Variants in CCNL1 observed in about 807,000 individuals in gnomAD.
CCNL1 encodes cyclin-L1.
In CCNL1, 13 loss-of-function variants were observed where a neutral mutation model predicts 60.6. The observed-to-expected ratio is 0.21, with a 90% CI of 0.14 to 0.34. The LOEUF (loss-of-function observed/expected upper bound fraction) is 0.34, where lower values mean the gene tolerates loss of function less well. Among genes scored for constraint, CCNL1 ranks in the 10% least tolerant of loss-of-function variants. CCNL1 has a pLI of 1.00. For synonymous variants in CCNL1, 270 were observed against 244.3 expected (o/e 1.10, Z -0.98); for missense variants, 481 against 664.3 (o/e 0.72, Z 3.03).
chr3:157,159,083 C>G (rs1738849015), intron 2 of CCNL1, 108 bp from the exon 3 acceptor site: 1 of 732,194 alleles, frequency 1.4e-6, no homozygotes, highest in Admixed American at 2.5e-5. Context: ...GAGAAGACAT[C>G]TCTATGCCGT....
intron 8 of CCNL1, 96 bp downstream of exon 8, chr3:157,149,740 A>G (rs767220191): frequency 4.7e-5 from 70 of 1,503,878 alleles, no homozygotes; most frequent in Admixed American, 8.3e-5. Flanking sequence ...GTTTCCTAAC[A>G]TCATTTTTCT....
Position 157,148,569 on chromosome 3 carries a change from C to T in CCNL1, c.1253G>A (p.Arg418Gln), listed in dbSNP as rs771814832. ...TGATCTCGAGCTGTATGTTCCAGAT[C>T]GACTCCGCCTATTATTATAGCTTAG... ...PRRHYNNRRS[R>Q]SGTYSSRSRS... The change falls in exon 11 of 11, where the codon CGA (arginine) becomes CAA (glutamine). Residue 418 changes from arginine (R) to glutamine (Q), a missense_variant. Arg to Gln is a conservative substitution (Grantham distance 43, BLOSUM62 1). Around this residue, in one of 5 missense-constraint regions of CCNL1, gnomAD observed 197 missense variants for 233.9 expected, o/e 0.84. Coordinates refer to ENST00000295926, the MANE Select transcript of CCNL1 (RefSeq NM_020307.4). 18 of 1,610,308 alleles carry T rather than the reference C, an allele frequency of 1.1e-5. No individual in the cohort carries two copies. In the South Asian group the frequency reaches 1.4e-4, roughly 13 times the overall value.
At position 157,148,429 on chromosome 3, in the gene CCNL1, G is replaced by A. The variant is rs756077496; in HGVS notation, c.1393C>T (p.His465Tyr). 2 of 1,614,100 alleles carry A rather than the reference G, an allele frequency of 1.2e-6. No individual in the cohort carries two copies. The highest frequency in any genetic ancestry group is 4.5e-5 in the East Asian group (2 of 44,882). Residue 465 changes from histidine (H) to tyrosine (Y), a missense_variant, in exon 11 of 11, where the codon CAT becomes TAT. By Grantham distance (83) the His-to-Tyr change is moderately conservative (BLOSUM62 2). This residue lies in a region of CCNL1 where 197 missense variants were observed against 233.9 expected (regional missense o/e 0.84). Coordinates refer to ENST00000295926, the MANE Select transcript of CCNL1 (RefSeq NM_020307.4). ...CGAGAACGAGATTTTTTCCTTTTAT[G>A]ACCATGTCTGTTTGAACTTTTTAAA... ...DDLKSSNRHG[H>Y]KRKKSRSRSQ...
intron 8 of CCNL1, 98 bp from the exon 9 acceptor site, chr3:157,149,694 C>G (rs934571226): frequency 1.4e-6 from 2 of 1,462,554 alleles, no homozygotes; most frequent in African/African-American, 2.8e-5. Context: ...CTTCCGCTTC[C>G]ATGTTGGTTG....
chr3:157,151,775 GA>G, intron 5 of CCNL1: 1 of 1,037,094 alleles, frequency 9.6e-7, no homozygotes, highest in Non-Finnish European at 1.2e-6. Flanking sequence ...GACAGAACTA[GA>G]AGATGCTGCC....
At chr3:157,144,012 C>G (rs566488295), downstream of CCNL1, among the ~76,000 whole-genome samples, 1 of 152,238 alleles carries the variant, frequency 6.6e-6, no homozygotes, top group East Asian at 1.9e-4. Context: ...TCAGACTACA[C>G]CTACCAGAAA....
intron 2 of CCNL1, 126 bp downstream of exon 2, chr3:157,159,279 T>C (rs987967049): frequency 3.7e-6 from 3 of 807,398 alleles, no homozygotes; most frequent in Non-Finnish European, 4.0e-6. Context: ...TCCTGGCGAG[T>C]GAGAAGTAGG....
rs201815374 is a variant in CCNL1, at chr3:157,159,997, G to A, written c.98C>T (p.Thr33Met). ...GGSSSGTTTT[T>M]TTTTGGILIG... ...CAGGATCCCTCCCGTCGTGGTCGTCGTCGTGGTCGTCGTCCCGGAGCTGGA... is the reference window on the plus strand; with the variant it reads ...CAGGATCCCTCCCGTCGTGGTCGTCATCGTGGTCGTCGTCCCGGAGCTGGA... The change falls in exon 1 of 11, where the codon ACG (threonine) becomes ATG (methionine). Residue 33 changes from threonine (T) to methionine (M), a missense_variant. Physicochemically the swap from Thr to Met is moderately conservative, Grantham distance 81. Around this residue, in one of 5 missense-constraint regions of CCNL1, gnomAD observed 65 missense variants for 57.5 expected, o/e 1.13. Coordinates refer to ENST00000295926, the MANE Select transcript of CCNL1 (RefSeq NM_020307.4). The A allele has an allele frequency of 6.3e-7, 1 of 1,575,206 alleles. No individual in the cohort carries two copies. The highest frequency in any genetic ancestry group is 8.6e-7 in the Non-Finnish European group (1 of 1,160,754).
At chr3:157,159,084 T>A in intron 2 of CCNL1, 109 bp from the exon 3 acceptor site, 2 of 730,046 alleles carry the variant, frequency 2.7e-6, no homozygotes, top group Non-Finnish European at 4.7e-6. Flanking sequence ...AGAAGACATC[T>A]CTATGCCGTA....
At position 157,149,299 on chromosome 3, in the gene CCNL1, G is replaced by GT; in HGVS notation, c.1219dup (p.Thr407AsnfsTer7). 1 of 1,611,364 alleles carries GT rather than the reference G, an allele frequency of 6.2e-7. No homozygotes were observed. Among genetic ancestry groups the GT allele is most frequent in the Non-Finnish European group, 8.5e-7 (1 of 1,177,542 alleles). The stretch of plus-strand genomic sequence containing the variant: ...AACATTTACTTACTGTCTTCTTGGA[G>GT]TATGTGATCTAGAACGTGATCGTGT... On this transcript the variant is annotated frameshift_variant, in exon 10 of 11. Coordinates refer to ENST00000295926, the MANE Select transcript of CCNL1 (RefSeq NM_020307.4). LOFTEE classifies it high-confidence loss of function.
At chr3:157,155,125 A>G (rs564634842) in intron 3 of CCNL1, among the ~76,000 whole-genome samples, 8 of 152,304 alleles carry the variant, frequency 5.3e-5, no homozygotes, top group Admixed American at 5.2e-4. Flanking sequence ...AAATAGCTCC[A>G]GTGTTACAGC....
chr3:157,152,970 T>C, intron 4 of CCNL1, 66 bp downstream of exon 4: 2 of 1,579,396 alleles, frequency 1.3e-6, no homozygotes, highest in Non-Finnish European at 1.7e-6. Context: ...CATAAATTCA[T>C]ATAAAATAAA....
chr3:157,149,268 T>C lies in CCNL1; in HGVS notation c.1232+19A>G. ...AAAACTCCAAATAAGACTGCTTCCC[T>C]AAGAAAACATTTACTTACTGTCTTC... On this transcript the variant is annotated intron_variant, in intron 10 of 10. Transcript: ENST00000295926. The C allele has an allele frequency of 3.8e-6, 6 of 1,566,914 alleles. No homozygotes were observed. Among genetic ancestry groups the C allele is most frequent in the Non-Finnish European group, 5.3e-6 (6 of 1,137,508 alleles).
intron 5 of CCNL1, 93 bp from the exon 6 acceptor site, chr3:157,150,474 T>C (rs2108115648): frequency 7.4e-6 from 11 of 1,490,566 alleles, no homozygotes; most frequent in East Asian, 2.5e-5. Context: ...TTTATTCTTT[T>C]TTCTTCTCTT....
downstream of CCNL1, among the ~76,000 whole-genome samples, chr3:157,145,164 C>G (rs768024737): frequency 6.6e-6 from 1 of 152,024 alleles, no homozygotes; most frequent in Admixed American, 6.5e-5. Flanking sequence ...TTGCCGGGCG[C>G]GGTGGCTCAT....
Position 157,150,292 on chromosome 3 carries a change from C to G in CCNL1, c.764G>C (p.Arg255Thr). The G allele has an allele frequency of 1.2e-6, 2 of 1,613,888 alleles. No individual in the cohort carries two copies. The highest frequency in any genetic ancestry group is 1.7e-6 in the Non-Finnish European group (2 of 1,179,836). ...GAAATATACACCTACCTGAAGTGCT[C>G]TAGCTGCAAGGTAGATGCAAGCACA... ...IACACIYLAA[R>T]ALQIPLPTRP... Residue 255 changes from arginine to threonine, a missense_variant, in exon 6 of 11, where the codon AGA becomes ACA. Arg to Thr is a moderately conservative substitution (Grantham distance 71). Coordinates refer to ENST00000295926, the MANE Select transcript of CCNL1 (RefSeq NM_020307.4).
At chr3:157,151,946 AG>A (rs1560197771) in intron 5 of CCNL1, 1 of 1,318,932 alleles carries the variant, frequency 7.6e-7, no homozygotes, top group East Asian at 3.8e-5. Flanking sequence ...ATTAAAGAGT[AG>A]AAAAAAGAAC....
intron 8 of CCNL1, 46 bp from the exon 9 acceptor site, chr3:157,149,642 G>A (rs748780447): frequency 3.2e-6 from 5 of 1,559,356 alleles, no homozygotes; most frequent in South Asian, 2.3e-5. Context: ...GGATTTAACA[G>A]AGGGCCAAAA....
chr3:157,150,575 G>A, intron 5 of CCNL1, 194 bp from the exon 6 acceptor site: 1 of 1,310,678 alleles, frequency 7.6e-7, no homozygotes, highest in Non-Finnish European at 9.8e-7. Context: ...AGGACCATAT[G>A]CGATTTTCCT....
Sources: allele counts gnomAD v4.1 joint callset (sites outside exome capture counted in the v4.1 genomes callset), GRCh38; gene constraint gnomAD v4.1.1; regional missense constraint gnomAD v4.1.1; transcripts MANE v1.5; gene names NCBI Gene and HGNC (gene_info 2026-07-23, HGNC 2026-07-21).